Variants in KIF15 observed in about 807,000 individuals in gnomAD.
KIF15 encodes kinesin-like protein KIF15.
A neutral mutation model predicts 190.6 loss-of-function variants in KIF15; 140 were observed. The observed-to-expected ratio is 0.73, with a 90% CI of 0.64 to 0.84. The LOEUF is 0.84. Ranked by LOEUF, KIF15 falls within the 40% of genes least tolerant of loss-of-function variation. KIF15 has a pLI of 0.00. For synonymous variants in KIF15, 528 were observed against 551.3 expected, an observed-to-expected ratio of 0.96 and a Z score of 0.59; for missense variants, 1,372 against 1,584.4, an observed-to-expected ratio of 0.87 and a Z score of 2.28.
intron 32 of KIF15, among the ~76,000 whole-genome samples, chr3:44,849,353 T>G (rs765985467): frequency 6.6e-6 from 1 of 152,180 alleles, no homozygotes; most frequent in African/African-American, 2.4e-5. Context: ...CTGGGCCCAG[T>G]AGCTCACGCC....
chr3:44,762,290 T>A (rs918844244), intron 1 of KIF15, among the ~76,000 whole-genome samples: 1 of 152,232 alleles, frequency 6.6e-6, no homozygotes, highest in African/African-American at 2.4e-5. Flanking sequence ...ATTTCTGACC[T>A]TCCTATAGGG....
intron 18 of KIF15, among the ~76,000 whole-genome samples, 171 bp downstream of exon 18, chr3:44,812,460 G>A (rs1707828240): frequency 6.6e-6 from 1 of 152,228 alleles, no homozygotes; most frequent in Non-Finnish European, 1.5e-5. Flanking sequence ...TATTTGAGCT[G>A]TATTCTCTAC....
At position 44,828,208 on chromosome 3, in the gene KIF15, C is replaced by T; in HGVS notation, c.2857-6C>T. On this transcript the variant is annotated splice_polypyrimidine_tract_variant and splice_region_variant and intron_variant, in intron 23 of 34. Transcript: ENST00000326047. ...TTCTTCTAAAAATATTTCTTTTTCA[C>T]CATAGATGGCAAAAGTACAGAAACT... The T allele has an allele frequency of 1.3e-5, 21 of 1,604,794 alleles. No homozygotes were observed. The highest frequency in any genetic ancestry group is 1.8e-5 in the Non-Finnish European group (21 of 1,172,172).
chr3:44,841,041 T>C (rs368854733), intron 28 of KIF15, 33 bp from the exon 29 acceptor site: 2 of 1,543,244 alleles, frequency 1.3e-6, no homozygotes, highest in African/African-American at 2.8e-5. Flanking sequence ...ATCACTTAAT[T>C]GGATATTTGG....
At chr3:44,820,393 C>A (rs1372929666) in intron 20 of KIF15, among the ~76,000 whole-genome samples, 1 of 148,306 alleles carries the variant, frequency 6.7e-6, no homozygotes, top group Non-Finnish European at 1.5e-5. Flanking sequence ...GGGTGTTTCT[C>A]ACAGAGGGGG....
intron 16 of KIF15, 68 bp from the exon 17 acceptor site, chr3:44,810,778 C>A: frequency 7.7e-7 from 1 of 1,290,378 alleles, no homozygotes. Flanking sequence ...CCTCTCTATT[C>A]ACAAAATTAT....
Position 44,763,815 on chromosome 3 carries a change from G to C in KIF15, c.19+1931G>C, listed in dbSNP as rs142398252. Among the ~76,000 whole-genome samples, 1,104 of 152,122 alleles carry C rather than the reference G, an allele frequency of 7.3e-3. 41 individuals carry two copies. Among genetic ancestry groups the C allele is most frequent in the Admixed American group, 0.066 (1,014 of 15,288 alleles). Reference sequence around the variant, plus strand: ...CAGTACTCGTGCCTCAGCCTCCCAAGTAGCTGGGACTACAGGCGTGCACCA... The same window carrying C: ...CAGTACTCGTGCCTCAGCCTCCCAACTAGCTGGGACTACAGGCGTGCACCA... On this transcript the variant is annotated intron_variant, in intron 1 of 34. Transcript: ENST00000326047.
Position 44,794,297 on chromosome 3 carries a change from T to C in KIF15, c.720T>C (p.Phe240=), listed in dbSNP as rs1276430680. 2.5e-6 allele frequency: 4 copies of C among 1,613,984 alleles called. No individual in the cohort carries two copies. The highest frequency in any genetic ancestry group is 2.7e-5 in the African/African-American group (2 of 74,926). The change falls in exon 8 of 35, where the codon TTT becomes TTC. Residue 240 remains phenylalanine, a synonymous_variant. Transcript: ENST00000326047. ...NRESSRSHAV[F]TITIESMEKS... Reference sequence around the variant, plus strand: ...AATCGTCTAGGTCTCATGCCGTCTTTACAATTACAATAGAGTCAATGGAGA... The same window carrying C: ...AATCGTCTAGGTCTCATGCCGTCTTCACAATTACAATAGAGTCAATGGAGA...
At chr3:44,775,689 C>T (rs7611773) in intron 3 of KIF15, among the ~76,000 whole-genome samples, 68,357 of 151,326 alleles carry the variant, frequency 0.45, 16,592 homozygotes, top group East Asian at 0.83. Context: ...CTCTCGACCT[C>T]GTGATCTGCC....
At chr3:44,809,371 C>T (rs1289867151) in intron 16 of KIF15, among the ~76,000 whole-genome samples, 2 of 152,010 alleles carry the variant, frequency 1.3e-5, no homozygotes, top group African/African-American at 2.4e-5. Context: ...CATCATGTTG[C>T]TTGTCTTTCA....
chr3:44,831,255 G>A (rs1412883530), intron 26 of KIF15, among the ~76,000 whole-genome samples: 2 of 152,032 alleles, frequency 1.3e-5, no homozygotes, highest in Non-Finnish European at 2.9e-5. Flanking sequence ...ACACGTTCAC[G>A]CTGCCAAGCT....
chr3:44,786,490 GTACTTAAGGGAGCA>G lies in KIF15; in HGVS notation c.558_571del (p.Leu187GlnfsTer19). On this transcript the variant is annotated frameshift_variant, in exon 7 of 35. Coordinates refer to ENST00000326047, the MANE Select transcript of KIF15 (RefSeq NM_020242.3). LOFTEE classifies it high-confidence loss of function. ...TACTGGACTCTGCATCGGCTGGACT[GTACTTAAGGGAGCA>G]TATCAAGAAGGGAGTCTTTGTTGTT... 1 of 1,613,926 alleles carries G rather than the reference GTACTTAAGGGAGCA, an allele frequency of 6.2e-7. No individual in the cohort carries two copies. Among genetic ancestry groups the G allele is most frequent in the African/African-American group, 1.3e-5 (1 of 75,042 alleles).
intron 11 of KIF15, among the ~76,000 whole-genome samples, chr3:44,801,002 G>A (rs1707239333): frequency 6.6e-6 from 1 of 151,008 alleles, no homozygotes. Flanking sequence ...TAGTGATGAC[G>A]GTCTCATTGT....
At position 44,780,930 on chromosome 3, in the gene KIF15, A is replaced by G; in HGVS notation, c.361+8A>G. ...AGACATTTACTATGATGGGTAAGTA[A>G]AGATTAACTTTTGTTGGCTTAATCT... On this transcript the variant is annotated splice_region_variant and intron_variant, in intron 5 of 34. Coordinates refer to ENST00000326047, the MANE Select transcript of KIF15 (RefSeq NM_020242.3). 6.3e-7 allele frequency: 1 copy of G among 1,594,934 alleles called. No homozygotes were observed.
chr3:44,861,094 C>T (rs538637534), intron 6 of KIF15, among the ~76,000 whole-genome samples: 1 of 152,176 alleles, frequency 6.6e-6, no homozygotes, highest in East Asian at 1.9e-4. Flanking sequence ...CAGGTTCAAG[C>T]GCTTCTCCTG....
chr3:44,866,704 C>G (rs924989682), intron 6 of KIF15, among the ~76,000 whole-genome samples: 7 of 152,208 alleles, frequency 4.6e-5, no homozygotes, highest in Non-Finnish European at 8.8e-5. Context: ...AATGAGCTTA[C>G]TAAAACCATT....
rs961209248 is a variant in KIF15, at chr3:44,815,134, T to A, written c.2549+58T>A. On this transcript the variant is annotated intron_variant, in intron 20 of 34. Coordinates refer to ENST00000326047, the MANE Select transcript of KIF15 (RefSeq NM_020242.3). ...TGATTGGCTGTAACCTACGACTGTT[T>A]GAAGTTGGAAGTGTTATAAACTCAA... 6.7e-6 allele frequency: 9 copies of A among 1,350,654 alleles called. No individual in the cohort carries two copies. The East Asian group carries it at 2.3e-4, about 35-fold the overall frequency. The allele number at this position is 1,350,654 out of a possible 1,614,324, so 83.7% of individuals were successfully genotyped here.
intron 1 of KIF15, among the ~76,000 whole-genome samples, chr3:44,772,681 C>G (rs1705694680): frequency 6.6e-6 from 1 of 152,134 alleles, no homozygotes; most frequent in Admixed American, 6.5e-5. Context: ...AGGTAACTTC[C>G]CAGGTGCTCA....
chr3:44,788,178 T>A (rs1706504218), intron 7 of KIF15, among the ~76,000 whole-genome samples: 1 of 152,200 alleles, frequency 6.6e-6, no homozygotes, highest in Admixed American at 6.5e-5. Flanking sequence ...AAATTACATT[T>A]AGTGTTTGGT....
Sources: gnomAD v4.1 joint callset for allele counts (sites outside exome capture counted in the v4.1 genomes callset) on GRCh38, gnomAD v4.1.1 for gene constraint, MANE v1.5 for transcripts, NCBI Gene and HGNC (gene_info 2026-07-23, HGNC 2026-07-21) for gene names.